Variants in PTPN21 observed in about 807,000 individuals in gnomAD.
PTPN21 encodes the protein tyrosine-protein phosphatase non-receptor type 21.
A neutral mutation model predicts 131.8 loss-of-function variants in PTPN21; 77 were observed. The observed-to-expected ratio is 0.58, with a 90% confidence interval of 0.49 to 0.71. The LOEUF (loss-of-function observed/expected upper bound fraction) is 0.71. PTPN21 is among the 30% of genes least tolerant of loss of function. PTPN21 has a pLI of 0.00. For synonymous variants in PTPN21, 715 were observed against 621.3 expected (o/e 1.15, Z -2.24); for missense variants, 1,552 against 1,527.1 (o/e 1.02, Z -0.27).
chr14:88,488,674 G>C (rs1471785217), intron 10 of PTPN21, among the ~76,000 whole-genome samples: 1 of 152,152 alleles, frequency 6.6e-6, no homozygotes. Flanking sequence ...GGCTGAGCCA[G>C]GCGTGGTGGC....
intron 2 of PTPN21, among the ~76,000 whole-genome samples, chr14:88,518,926 T>A (rs2078346385): frequency 6.6e-6 from 1 of 152,036 alleles, no homozygotes; most frequent in African/African-American, 2.4e-5. Flanking sequence ...TTTCATTACA[T>A]GCACATTTAA....
chr14:88,472,384 C>T lies in PTPN21; in HGVS notation c.2731G>A (p.Gly911Arg). 6.2e-7 allele frequency: 1 copy of T among 1,613,846 alleles called. No homozygotes were observed. Among genetic ancestry groups the T allele is most frequent in the Non-Finnish European group, 8.5e-7 (1 of 1,179,756 alleles). The change falls in exon 15 of 19, where the codon GGG becomes AGG. Residue 911 changes from glycine to arginine, a missense_variant. Physicochemically the swap from Gly to Arg is moderately radical, Grantham distance 125. This residue lies in a region of PTPN21 where 316 missense variants were observed against 378.5 expected (regional missense o/e 0.83). Transcript: ENST00000556564. ...ERILKKRLVD[G>R]ECSTARLPEN... ...GGGAGTCGTGCTGTTGAGCACTCCCCATCAACTAGCCGTTTCTTAAGAATT... is the reference window on the plus strand; with the variant it reads ...GGGAGTCGTGCTGTTGAGCACTCCCTATCAACTAGCCGTTTCTTAAGAATT...
chr14:88,518,809 T>G (rs539085801), intron 2 of PTPN21, among the ~76,000 whole-genome samples: 1 of 152,054 alleles, frequency 6.6e-6, no homozygotes, highest in Admixed American at 6.6e-5. Context: ...AAACCAACTT[T>G]TCACTACTCT....
At chr14:88,484,998 G>C (rs1163743326) in intron 12 of PTPN21, 78 bp downstream of exon 12, 1 of 1,261,170 alleles carries the variant, frequency 7.9e-7, no homozygotes, top group Non-Finnish European at 1.2e-6. Context: ...AACTGTCCAG[G>C]CTTCATGATC....
intron 14 of PTPN21, among the ~76,000 whole-genome samples, chr14:88,473,022 T>A (rs936485543): frequency 6.6e-6 from 1 of 152,196 alleles, no homozygotes; most frequent in African/African-American, 2.4e-5. Flanking sequence ...TTTCTCTAGA[T>A]CTGTGGTCAA....
intron 2 of PTPN21, among the ~76,000 whole-genome samples, chr14:88,539,470 A>G (rs1053499576): frequency 1.3e-5 from 2 of 151,924 alleles, no homozygotes; most frequent in African/African-American, 4.8e-5. Flanking sequence ...CTGGTCTCCA[A>G]TTCCCGACCT....
chr14:88,504,523 G>T, intron 5 of PTPN21, 28 bp from the exon 6 acceptor site: 2 of 1,567,382 alleles, frequency 1.3e-6, no homozygotes, highest in Non-Finnish European at 1.8e-6. Context: ...TGGTAAGTAT[G>T]TGACAATTCA....
rs1205797443 is a variant in PTPN21 at position 88,466,255 on chromosome 14, A to G, written c.*1882T>C. The G allele has an allele frequency of 6.6e-6, 1 of 152,160 alleles. No homozygotes were observed. Among genetic ancestry groups the G allele is most frequent in the African/African-American group, 2.4e-5 (1 of 41,416 alleles). The allele number at this position is 152,160 out of a possible 1,614,324, so 9.4% of individuals were successfully genotyped here. On this transcript the variant is annotated 3_prime_UTR_variant, in exon 19 of 19. Coordinates refer to ENST00000556564, the MANE Select transcript of PTPN21 (RefSeq NM_007039.4). ...TTTACATTTTGTTCCTACAAAATGT[A>G]ATTTTTTAATTTTGTAAAATAAAAA...
rs767012394 is a variant in PTPN21 at position 88,473,653 on chromosome 14, T to C, written c.2649+12A>G. On this transcript the variant is annotated intron_variant, in intron 14 of 18. Coordinates refer to ENST00000556564, the MANE Select transcript of PTPN21 (RefSeq NM_007039.4). ...CAGAGAAGGCACAAAGCCCTGTGTG[T>C]CCCATACATACCCTTTCATCATTCG... 3.1e-6 allele frequency: 5 copies of C among 1,608,326 alleles called. No individual in the cohort carries two copies. The highest frequency in any genetic ancestry group is 4.2e-6 in the Non-Finnish European group (5 of 1,178,692).
At chr14:88,488,384 C>T (rs184955093) in intron 10 of PTPN21, among the ~76,000 whole-genome samples, 128 of 135,586 alleles carry the variant, frequency 9.4e-4, no homozygotes, top group African/African-American at 3.5e-3. Flanking sequence ...ACTAAGAAAA[C>T]AAACTACAAA....
intron 2 of PTPN21, among the ~76,000 whole-genome samples, chr14:88,543,350 A>G (rs1022630448): frequency 2.0e-5 from 3 of 152,184 alleles, no homozygotes; most frequent in African/African-American, 7.2e-5. Context: ...CTACAACTAG[A>G]TCACTTTCTA....
intron 10 of PTPN21, among the ~76,000 whole-genome samples, chr14:88,494,796 G>A (rs999992730): frequency 5.3e-5 from 8 of 151,434 alleles, no homozygotes; most frequent in Non-Finnish European, 7.4e-5. Flanking sequence ...GGTGGATCAC[G>A]AGGTCAGGAG....
chr14:88,485,070 C>T lies in PTPN21; in HGVS notation c.1078+6G>A. On this transcript the variant is annotated splice_donor_region_variant and intron_variant, in intron 12 of 18. Transcript: ENST00000556564. ...TGTAAGGCATGGCAGAAACAGTGTA[C>T]TTTACCTTGGGAAGAAGCATATGGT... 6.4e-7 allele frequency: 1 copy of T among 1,570,786 alleles called. No individual in the cohort carries two copies. The highest frequency in any genetic ancestry group is 1.4e-5 in the African/African-American group (1 of 73,984).
chr14:88,494,366 G>A (rs1049569310), intron 10 of PTPN21, among the ~76,000 whole-genome samples: 6 of 152,300 alleles, frequency 3.9e-5, no homozygotes, highest in African/African-American at 1.2e-4. Context: ...GTATGGCCTC[G>A]TACTTTTATT....
At chr14:88,473,517 A>T (rs768977233) in intron 14 of PTPN21, 148 bp downstream of exon 14, 17 of 912,342 alleles carry the variant, frequency 1.9e-5, no homozygotes, top group African/African-American at 3.5e-5. Flanking sequence ...CATTTGCCCC[A>T]ATTTTGAGGC....
At position 88,501,318 on chromosome 14, in the gene PTPN21, C is replaced by G. The variant is rs147731756; in HGVS notation, c.638G>C (p.Arg213Thr). 1.2e-4 allele frequency: 201 copies of G among 1,614,164 alleles called. 1 individual carries two copies. The African/African-American group carries it at 2.4e-3, about 19-fold the overall frequency. The change falls in exon 7 of 19, where the codon AGA becomes ACA. Residue 213 changes from arginine to threonine, a missense_variant. Transcript: ENST00000556564. ...AEMLYMQEVE[R>T]MDGYGEESYP... ...GCTCTCTTCTCCATAGCCATCCATT[C>G]TCTCTACCTCCTGCATGTACAGCAT...
intron 2 of PTPN21, among the ~76,000 whole-genome samples, chr14:88,545,441 G>T (rs537318743): frequency 4.7e-4 from 71 of 152,316 alleles, no homozygotes; most frequent in African/African-American, 1.6e-3. Context: ...GCCCCAGGCA[G>T]TGCCCATGCC....
Position 88,466,425 on chromosome 14 carries a change from G to A in PTPN21, c.*1712C>T, listed in dbSNP as rs1486013305. The A allele has an allele frequency of 6.6e-6, 1 of 152,144 alleles. No homozygotes were observed. Among genetic ancestry groups the A allele is most frequent in the African/African-American group, 2.4e-5 (1 of 41,410 alleles). 9.4% of individuals were successfully genotyped at this position (152,144 alleles called of 1,614,324 possible). A position where few individuals can be genotyped will look rare whatever the true frequency, so the allele number is the denominator to read the frequency against. ...GTGCACACACTATTTAGGAAGTCCTGTCTCGTGGCTGACAACATACATGTA... is the reference window on the plus strand; with the variant it reads ...GTGCACACACTATTTAGGAAGTCCTATCTCGTGGCTGACAACATACATGTA... On this transcript the variant is annotated 3_prime_UTR_variant, in exon 19 of 19. Coordinates refer to ENST00000556564, the MANE Select transcript of PTPN21 (RefSeq NM_007039.4).
chr14:88,510,936 A>G (rs1156851957), intron 3 of PTPN21, among the ~76,000 whole-genome samples: 1 of 149,212 alleles, frequency 6.7e-6, no homozygotes, highest in Non-Finnish European at 1.5e-5. Flanking sequence ...TTTTTGAGAC[A>G]GGGTCTTGCT....
Sources: gnomAD v4.1 joint callset for allele counts (sites outside exome capture counted in the v4.1 genomes callset) on GRCh38, gnomAD v4.1.1 for gene constraint, gnomAD v4.1.1 regional missense constraint, MANE v1.5 for transcripts, NCBI Gene and HGNC (gene_info 2026-07-23, HGNC 2026-07-21) for gene names.